The following CFAP92 variants were observed in gnomAD, a reference collection of about 807,000 sequenced individuals.
CFAP92 encodes cilia and flagella associated protein 92 (putative), also known as uncharacterized protein CFAP92.
Under a neutral mutation model 106.3 loss-of-function variants are expected in CFAP92, and 86 were observed. The ratio of observed to expected loss-of-function variants is 0.81; its 90% CI spans 0.68 to 0.97. The LOEUF is 0.97. CFAP92 is among the 50% of genes least tolerant of loss of function. The probability of loss-of-function intolerance (pLI) is 0.00; values close to 1 mark genes in which losing one functional copy is unlikely to be tolerated. For missense variants in CFAP92, 1,204 were observed against 1,283.8 expected, an observed-to-expected ratio of 0.94 and a Z score of 0.95; for synonymous variants, 477 against 506.4, an observed-to-expected ratio of 0.94 and a Z score of 0.78.
chr3:128,968,573 TG>T, intron 8 of CFAP92: 1 of 125,434 alleles, frequency 8.0e-6, no homozygotes, highest in Non-Finnish European at 1.6e-5. Flanking sequence ...CCTCCACACC[TG>T]CACCCCCTGG....
intron 12 of CFAP92, among the ~76,000 whole-genome samples, chr3:128,921,953 C>T (rs933010048): frequency 2.0e-5 from 3 of 152,198 alleles, no homozygotes; most frequent in Non-Finnish European, 4.4e-5. Flanking sequence ...CCCTTACCCT[C>T]AGGAACAGTT....
intron 1 of CFAP92, among the ~76,000 whole-genome samples, chr3:129,001,360 A>G (rs1233215698): frequency 6.6e-6 from 1 of 152,186 alleles, no homozygotes; most frequent in East Asian, 1.9e-4. Context: ...CACGCGGAGA[A>G]GCCAGACCCA....
chr3:128,987,242 T>C (rs1448943691), intron 4 of CFAP92, among the ~76,000 whole-genome samples: 12 of 152,128 alleles, frequency 7.9e-5, no homozygotes, highest in South Asian at 2.1e-4. Flanking sequence ...CTTAAGACAA[T>C]TGGCTTGGGG....
intron 15 of CFAP92, among the ~76,000 whole-genome samples, chr3:128,912,086 G>A (rs765677684): frequency 1.3e-5 from 2 of 152,198 alleles, no homozygotes; most frequent in African/African-American, 4.8e-5. Flanking sequence ...GGGTGTAGGC[G>A]CCAGCACTGT....
chr3:128,969,124 G>A (rs1256932899), intron 8 of CFAP92: 1 of 138,274 alleles, frequency 7.2e-6, no homozygotes, highest in Non-Finnish European at 1.5e-5. Context: ...AGGTTTTTTT[G>A]TAATTCTCCC....
intron 4 of CFAP92, among the ~76,000 whole-genome samples, chr3:128,986,906 T>C (rs1004276766): frequency 4.1e-4 from 63 of 152,194 alleles, no homozygotes; most frequent in Non-Finnish European, 6.8e-4. Flanking sequence ...CACACCTGTG[T>C]TCCCAGTACT....
upstream of CFAP92, among the ~76,000 whole-genome samples, chr3:128,998,017 C>T (rs751610843): frequency 2.0e-5 from 3 of 152,176 alleles, no homozygotes; most frequent in Non-Finnish European, 4.4e-5. Flanking sequence ...TATAGTATTT[C>T]ATCATAGTTT....
At chr3:128,992,815 C>T (rs1384716758) in intron 2 of CFAP92, among the ~76,000 whole-genome samples, 1 of 152,094 alleles carries the variant, frequency 6.6e-6, no homozygotes, top group East Asian at 1.9e-4. Context: ...ACATCACCTG[C>T]TTTAGGGTTG....
At chr3:129,019,395 A>G in the CFAP92 span, among the ~76,000 whole-genome samples, 1 of 152,242 alleles carries the variant, frequency 6.6e-6, no homozygotes, top group African/African-American at 2.4e-5. Context: ...TTAGAAGCCC[A>G]GTCAGTCCAC....
chr3:128,921,611 G>A (rs1003506863), intron 12 of CFAP92, among the ~76,000 whole-genome samples: 2 of 152,124 alleles, frequency 1.3e-5, no homozygotes, highest in Non-Finnish European at 2.9e-5. Context: ...ACAGAAAAAA[G>A]GAATGTAGAA....
upstream of CFAP92, chr3:129,004,140 C>A: frequency 7.2e-7 from 1 of 1,394,526 alleles, no homozygotes; most frequent in South Asian, 1.5e-5. Flanking sequence ...TCCCAAACTT[C>A]GGGTGTGCAA....
At chr3:128,961,182 A>G (rs1941883392) in intron 9 of CFAP92, among the ~76,000 whole-genome samples, 1 of 152,172 alleles carries the variant, frequency 6.6e-6, no homozygotes, top group Admixed American at 6.5e-5. Flanking sequence ...ATCCTGCAAG[A>G]TCTAAATAAT....
intron 2 of CFAP92, among the ~76,000 whole-genome samples, chr3:128,992,774 G>T (rs984710976): frequency 1.3e-5 from 2 of 151,034 alleles, no homozygotes; most frequent in African/African-American, 4.9e-5. Context: ...CCTCTCCATG[G>T]TTTTTTTTTC....
intron 12 of CFAP92, among the ~76,000 whole-genome samples, chr3:128,926,835 C>G (rs1179853594): frequency 6.6e-6 from 1 of 152,124 alleles, no homozygotes; most frequent in Non-Finnish European, 1.5e-5. Context: ...GTTGCTCACA[C>G]CTGTAATCCC....
intron 2 of CFAP92, among the ~76,000 whole-genome samples, chr3:128,989,324 T>C (rs1264317549): frequency 7.1e-6 from 1 of 141,570 alleles, no homozygotes; most frequent in Non-Finnish European, 1.5e-5. Context: ...CAGTACAATG[T>C]GATTTGTGCA....
intron 8 of CFAP92, chr3:128,966,628 T>A (rs34834148): frequency 6.6e-6 from 1 of 150,866 alleles, no homozygotes; most frequent in Admixed American, 6.6e-5. Flanking sequence ...TGGAGTACAG[T>A]GGCACGGTCT....
intron 9 of CFAP92, among the ~76,000 whole-genome samples, chr3:128,947,403 C>G (rs2107732595): frequency 6.6e-6 from 1 of 152,260 alleles, no homozygotes; most frequent in South Asian, 2.1e-4. Flanking sequence ...TAAACTGATT[C>G]TAAAATTTGT....
rs1013131153 is a variant in CFAP92 at position 128,916,272 on chromosome 3, C to T, written c.2752-1G>A. 23 of 1,231,988 alleles carry T rather than the reference C, an allele frequency of 1.9e-5. No individual in the cohort carries two copies. Among genetic ancestry groups the T allele is most frequent in the Middle Eastern group, 3.1e-4 (1 of 3,230 alleles). The allele number at this position is 1,231,988 out of a possible 1,614,324, so 76.3% of individuals were successfully genotyped here. A position where few individuals can be genotyped will look rare whatever the true frequency, so the allele number is the denominator to read the frequency against. On this transcript the variant is annotated splice_acceptor_variant, in intron 12 of 15. Transcript: ENST00000645291. LOFTEE classifies it high-confidence loss of function. ...CCTGGTAGGCTTCTGTGATATTTTT[C>T]TGAAGAAAGAGACACCAGTCACTAC...
chr3:129,015,421 G>C, the CFAP92 span, among the ~76,000 whole-genome samples: 46 of 152,104 alleles, frequency 3.0e-4, no homozygotes, highest in Non-Finnish European at 4.0e-4. Flanking sequence ...TGCTCCTTCG[G>C]GGGGGGAGGT....
Sources: gnomAD v4.1 joint callset for allele counts (sites outside exome capture counted in the v4.1 genomes callset) on GRCh38, gnomAD v4.1.1 for gene constraint, MANE v1.5 for transcripts, NCBI Gene and HGNC (gene_info 2026-07-23, HGNC 2026-07-21) for gene names.